Variants in TENM4 observed in about 807,000 individuals in gnomAD.
TENM4 encodes teneurin-4.
A neutral mutation model predicts 243.3 loss-of-function variants in TENM4; 82 were observed. The ratio of observed to expected loss-of-function variants is 0.34; its 90% CI spans 0.28 to 0.40. TENM4 has a LOEUF of 0.40. TENM4 is among the 10% of genes least tolerant of loss of function. The probability of loss-of-function intolerance (pLI) is 1.00; values close to 1 mark genes in which losing one functional copy is unlikely to be tolerated. For missense variants in TENM4, 3,138 were observed against 3,673.3 expected (o/e 0.85, Z 3.77); for synonymous variants, 1,412 against 1,456.3 (o/e 0.97, Z 0.69).
chr11:79,215,789 A>G lies in TENM4; in HGVS notation c.-163+19T>C. The G allele has an allele frequency of 1.0e-6, 1 of 985,882 alleles. No individual in the cohort carries two copies. The highest frequency in any genetic ancestry group is 1.2e-6 in the Non-Finnish European group (1 of 829,976). The allele number at this position is 985,882 out of a possible 1,614,324, so 61.1% of individuals were successfully genotyped here. A position where few individuals can be genotyped will look rare whatever the true frequency, so the allele number is the denominator to read the frequency against. ...TTTGCAGCTAATGACAGAAAATCAG[A>G]GCAGACAAGGGGACTGACCTGGCTC... On this transcript the variant is annotated intron_variant, in intron 3 of 33. Transcript: ENST00000278550.
At chr11:78,978,590 C>T (rs188078292) in intron 6 of TENM4, among the ~76,000 whole-genome samples, 8 of 151,946 alleles carry the variant, frequency 5.3e-5, no homozygotes, top group Middle Eastern at 3.4e-3. Flanking sequence ...CCACACCAAA[C>T]GGACTAATGG....
rs1319380453 is a variant in TENM4 at position 78,658,309 on chromosome 11, TCTC to T, written c.8056_8058del (p.Glu2686del). ...CGGGCCAGCTCCAGGACCCGTGCCT[TCTC>T]CTCATCCAACGTTGTCCCGTAGCGT... On this transcript the variant is annotated inframe_deletion, in exon 34 of 34. Transcript: ENST00000278550. 1.9e-6 allele frequency: 3 copies of T among 1,613,008 alleles called. No homozygotes were observed. The highest frequency in any genetic ancestry group is 1.3e-5 in the African/African-American group (1 of 74,914).
intron 6 of TENM4, chr11:78,924,702 C>A (rs1856518293): frequency 6.6e-6 from 1 of 152,162 alleles, no homozygotes; most frequent in Admixed American, 6.5e-5. Context: ...AGCTGTCTGC[C>A]ACTGTGTTTC....
At chr11:79,263,559 T>C (rs1855833830) in intron 2 of TENM4, among the ~76,000 whole-genome samples, 1 of 152,242 alleles carries the variant, frequency 6.6e-6, no homozygotes, top group Non-Finnish European at 1.5e-5. Context: ...AGAGTCCATG[T>C]AGACAATAAA....
rs1858013097 is a variant in TENM4, at chr11:78,660,827, T to A, written c.7551+622A>T. Among the ~76,000 whole-genome samples the A allele has an allele frequency of 2.0e-5, 3 of 152,290 alleles. 1 individual carries two copies. The highest frequency in any genetic ancestry group is 6.8e-3 in the Middle Eastern group (2 of 294). The stretch of plus-strand genomic sequence containing the variant: ...TGAGTGGGTGGGATGAGACTGTTTT[T>A]AAAGACCTTTCCAGCTATACAATTC... On this transcript the variant is annotated intron_variant, in intron 33 of 33. Coordinates refer to ENST00000278550, the MANE Select transcript of TENM4 (RefSeq NM_001098816.3).
intron 15 of TENM4, among the ~76,000 whole-genome samples, chr11:78,800,415 G>T (rs1297519386): frequency 6.6e-6 from 1 of 152,202 alleles, no homozygotes; most frequent in African/African-American, 2.4e-5. Context: ...GGTCTGGGAA[G>T]TGACAGACAA....
At chr11:79,247,102 C>G (rs1003943666) in intron 2 of TENM4, among the ~76,000 whole-genome samples, 11 of 150,846 alleles carry the variant, frequency 7.3e-5, no homozygotes, top group African/African-American at 2.7e-4. Flanking sequence ...AAGAACAGGA[C>G]AGATGGAATT....
chr11:78,965,379 A>G (rs1163355621), intron 6 of TENM4, among the ~76,000 whole-genome samples: 3 of 152,056 alleles, frequency 2.0e-5, no homozygotes, highest in Admixed American at 2.0e-4. Context: ...ACCAGGCCAC[A>G]TGTATTAAGC....
intron 6 of TENM4, among the ~76,000 whole-genome samples, chr11:79,018,066 G>C (rs536245407): frequency 3.3e-5 from 5 of 152,220 alleles, no homozygotes; most frequent in Non-Finnish European, 7.4e-5. Flanking sequence ...AGGAGGGCTG[G>C]GGGATGAGGG....
At chr11:78,739,229 C>T (rs985812441) in intron 19 of TENM4, among the ~76,000 whole-genome samples, 3 of 152,158 alleles carry the variant, frequency 2.0e-5, no homozygotes, top group African/African-American at 7.2e-5. Context: ...AAGAAATTAC[C>T]TGCTTTTCCC....
intron 2 of TENM4, among the ~76,000 whole-genome samples, chr11:79,264,147 C>T (rs747705028): frequency 3.8e-4 from 58 of 152,058 alleles, no homozygotes; most frequent in Non-Finnish European, 7.2e-4. Context: ...TATCAGTGTC[C>T]GACTGTGAAG....
chr11:78,658,875 C>A, intron 33 of TENM4, 59 bp from the exon 34 acceptor site: 1 of 1,543,798 alleles, frequency 6.5e-7, no homozygotes, highest in Non-Finnish European at 8.8e-7. Context: ...CCCTGAGAAC[C>A]TGGAGAATCA....
At position 78,763,633 on chromosome 11, in the gene TENM4, G is replaced by T. The variant is rs555766281; in HGVS notation, c.2540-6612C>A. 5.9e-5 allele frequency among the ~76,000 whole-genome samples: 9 copies of T among 152,320 alleles called. No individual in the cohort carries two copies. In the South Asian group the frequency reaches 1.9e-3, roughly 32 times the overall value. On this transcript the variant is annotated intron_variant, in intron 18 of 33. Coordinates refer to ENST00000278550, the MANE Select transcript of TENM4 (RefSeq NM_001098816.3). ...TTGTCAAATGACCCGGAGAACGAGG[G>T]AAAGGGGTGTGTGGGAGAAAGAAAT...
intron 6 of TENM4, among the ~76,000 whole-genome samples, chr11:79,001,484 C>CT (rs571635888): frequency 6.6e-6 from 1 of 151,984 alleles, no homozygotes; most frequent in African/African-American, 2.4e-5. Context: ...GAGACCCCCC[C>CT]CAAATCCCAT....
intron 6 of TENM4, among the ~76,000 whole-genome samples, chr11:78,976,302 G>T (rs1205054840): frequency 1.3e-5 from 2 of 151,876 alleles, no homozygotes; most frequent in African/African-American, 4.8e-5. Context: ...AATGAACCAG[G>T]CAAAAAACCA....
intron 6 of TENM4, among the ~76,000 whole-genome samples, chr11:79,053,544 G>C (rs1437271933): frequency 1.3e-5 from 2 of 152,114 alleles, no homozygotes; most frequent in African/African-American, 4.8e-5. Flanking sequence ...AATCTCACAG[G>C]CTTTAGCCAT....
chr11:79,355,716 G>A (rs753969783), intron 1 of TENM4, among the ~76,000 whole-genome samples: 112 of 151,640 alleles, frequency 7.4e-4, no homozygotes, highest in Admixed American at 1.7e-3. Flanking sequence ...TGTGAGCATG[G>A]TGAGACACAT....
intron 26 of TENM4, among the ~76,000 whole-genome samples, chr11:78,711,787 C>A (rs1338504301): frequency 2.0e-5 from 3 of 152,150 alleles, no homozygotes; most frequent in African/African-American, 7.2e-5. Flanking sequence ...TGGCTCTAAA[C>A]CCCCATGAAC....
chr11:78,786,880 G>C lies in TENM4; in HGVS notation c.2365+18C>G. 6.3e-7 allele frequency: 1 copy of C among 1,587,662 alleles called. No individual in the cohort carries two copies. Among genetic ancestry groups the C allele is most frequent in the African/African-American group, 1.3e-5 (1 of 74,548 alleles). On this transcript the variant is annotated intron_variant, in intron 16 of 33. Transcript: ENST00000278550. ...CTGCAGACCAGAGAAGGTACCCGGG[G>C]ACCTCGGCCCGCCATACCGATGGTG...
Sources: allele counts gnomAD v4.1 joint callset (sites outside exome capture counted in the v4.1 genomes callset), GRCh38; gene constraint gnomAD v4.1.1; transcripts MANE v1.5; gene names NCBI Gene and HGNC (gene_info 2026-07-23, HGNC 2026-07-21).